LARP4B: variants seen among roughly 807,000 people sequenced by gnomAD.
LARP4B encodes the protein La ribonucleoprotein 4B.
A neutral mutation model predicts 89.8 loss-of-function variants in LARP4B; 12 were observed. The ratio of observed to expected loss-of-function variants is 0.13; its 90% confidence interval spans 0.09 to 0.22. The LOEUF (loss-of-function observed/expected upper bound fraction) is 0.22. Among genes scored for constraint, LARP4B ranks in the 10% least tolerant of loss-of-function variants. The pLI, the probability that LARP4B is intolerant of heterozygous loss-of-function variation, is 1.00. For missense variants in LARP4B, 757 were observed against 947.7 expected (o/e 0.80, Z 2.64); for synonymous variants, 367 against 363.3 (o/e 1.01, Z -0.12).
the LARP4B span, among the ~76,000 whole-genome samples, chr10:984,684 A>G: frequency 6.6e-6 from 1 of 152,192 alleles, no homozygotes; most frequent in African/African-American, 2.4e-5. Flanking sequence ...CCCAAGTGCA[A>G]TCCATCATGT....
chr10:905,034 A>C (rs1336000958), intron 1 of LARP4B, among the ~76,000 whole-genome samples: 1 of 152,252 alleles, frequency 6.6e-6, no homozygotes, highest in Admixed American at 6.5e-5. Flanking sequence ...GGTGTATACA[A>C]AACAATTCTG....
the LARP4B span, among the ~76,000 whole-genome samples, chr10:967,552 C>T: frequency 3.9e-4 from 60 of 152,276 alleles, no homozygotes; most frequent in South Asian, 2.9e-3. Flanking sequence ...GAGTTCCAGC[C>T]TAAGCAAAGA....
intron 5 of LARP4B, among the ~76,000 whole-genome samples, chr10:860,489 T>G (rs1458821439): frequency 2.6e-5 from 4 of 152,174 alleles, no homozygotes; most frequent in Non-Finnish European, 5.9e-5. Flanking sequence ...CCAAGAGAAA[T>G]GAAAACATAT....
intron 1 of LARP4B, among the ~76,000 whole-genome samples, chr10:920,842 G>C (rs1836959287): frequency 6.6e-6 from 1 of 152,154 alleles, no homozygotes; most frequent in African/African-American, 2.4e-5. Flanking sequence ...CGATGGAACT[G>C]ATAAAAAGAA....
intron 1 of LARP4B, among the ~76,000 whole-genome samples, chr10:908,314 G>A (rs781143880): frequency 4.6e-5 from 7 of 152,014 alleles, no homozygotes; most frequent in African/African-American, 7.2e-5. Flanking sequence ...GGAGCCCCTT[G>A]CCCTTCCCCC....
intron 1 of LARP4B, among the ~76,000 whole-genome samples, chr10:927,572 C>T (rs958197857): frequency 6.6e-6 from 1 of 152,200 alleles, no homozygotes; most frequent in African/African-American, 2.4e-5. Flanking sequence ...CTGAACTAAA[C>T]TCAGACCTGA....
intron 1 of LARP4B, among the ~76,000 whole-genome samples, chr10:927,923 A>ACCTTTGGC (rs1456163670): frequency 1.3e-5 from 2 of 152,214 alleles, no homozygotes; most frequent in African/African-American, 4.8e-5. Flanking sequence ...TAAAACTTGT[A>ACCTTTGGC]CCTTTGGCCA....
intron 5 of LARP4B, among the ~76,000 whole-genome samples, chr10:850,434 GA>G (rs1431358661): frequency 1.3e-5 from 2 of 152,178 alleles, no homozygotes; most frequent in Non-Finnish European, 2.9e-5. Flanking sequence ...AAGATAAAGA[GA>G]GGGGTCAATG....
In LARP4B at chr10:843,018, T is replaced by C. The variant is rs1833598922; in HGVS notation, c.560A>G (p.Gln187Arg). Residue 187 changes from glutamine to arginine, a missense_variant, in exon 7 of 18, where the codon CAG becomes CGG. Physicochemically the swap from Gln to Arg is conservative, Grantham distance 43. Coordinates refer to ENST00000316157, the MANE Select transcript of LARP4B (RefSeq NM_015155.3). ...AGCCACCGTTGTGATTGGCACATAC[T>C]GGTCACTATCCATCTGTGATATAAG... ...MYLISQMDSD[Q>R]YVPITTVANL... 1.1e-5 allele frequency: 18 copies of C among 1,613,788 alleles called. No individual in the cohort carries two copies. The highest frequency in any genetic ancestry group is 1.4e-5 in the Non-Finnish European group (17 of 1,179,730).
At chr10:836,983 C>A (rs865873067) in intron 7 of LARP4B, among the ~76,000 whole-genome samples, 5 of 152,192 alleles carry the variant, frequency 3.3e-5, no homozygotes, top group Non-Finnish European at 7.3e-5. Flanking sequence ...TAAGAAATTA[C>A]GCAATGCGCA....
chr10:936,208 C>G (rs1445080543), upstream of LARP4B, among the ~76,000 whole-genome samples: 2 of 151,996 alleles, frequency 1.3e-5, no homozygotes, highest in African/African-American at 2.4e-5. Flanking sequence ...TTGCAGAGAT[C>G]AGGGGAGCAT....
At chr10:931,796 T>C (rs1300116943), upstream of LARP4B, 2 of 151,338 alleles carry the variant, frequency 1.3e-5, no homozygotes, top group Non-Finnish European at 1.5e-5. Flanking sequence ...TCCCGCGGAC[T>C]GGCGCTCAGC....
rs1199969837 is a variant in LARP4B, at chr10:814,102, C to T, written c.1929+640G>A. On this transcript the variant is annotated intron_variant, in intron 17 of 17. Transcript: ENST00000316157. This position sits in a 1 kb window ranked among gnomAD's most constrained non-coding sequence, Gnocchi z 4.4. ...AGGCGTGAGCCACAGCACCTGGCCT[C>T]TTTTATTATTATTATTATTTATTAT... Among the ~76,000 whole-genome samples the T allele has an allele frequency of 6.6e-6, 1 of 151,492 alleles. No individual in the cohort carries two copies. The highest frequency in any genetic ancestry group is 6.6e-5 in the Admixed American group (1 of 15,260).
chr10:830,257 G>A (rs562178108), intron 9 of LARP4B, among the ~76,000 whole-genome samples: 1 of 152,220 alleles, frequency 6.6e-6, no homozygotes, highest in African/African-American at 2.4e-5. Context: ...CACACGGGCT[G>A]GCAGAGCTCA....
the LARP4B span, among the ~76,000 whole-genome samples, chr10:967,940 G>T: frequency 6.6e-6 from 1 of 152,124 alleles, no homozygotes; most frequent in African/African-American, 2.4e-5. Context: ...GACCTCAGGC[G>T]ATCCGCCCGC....
the LARP4B span, among the ~76,000 whole-genome samples, chr10:967,291 T>C: frequency 3.9e-5 from 6 of 152,170 alleles, no homozygotes; most frequent in East Asian, 1.2e-3. Context: ...TTTACATCCT[T>C]AGAGAGAGAA....
chr10:892,174 C>A (rs1446737299), intron 1 of LARP4B, among the ~76,000 whole-genome samples: 1 of 152,206 alleles, frequency 6.6e-6, no homozygotes, highest in Admixed American at 6.5e-5. Context: ...CACTCGCAGG[C>A]CTTACTGAAT....
At chr10:921,908 T>A (rs780113229) in intron 1 of LARP4B, among the ~76,000 whole-genome samples, 12 of 152,200 alleles carry the variant, frequency 7.9e-5, no homozygotes, top group Non-Finnish European at 7.3e-5. Context: ...CTGCTTCCCA[T>A]ATTCATTCTT....
At chr10:916,983 C>T (rs986690824) in intron 1 of LARP4B, among the ~76,000 whole-genome samples, 2 of 152,098 alleles carry the variant, frequency 1.3e-5, no homozygotes, top group Non-Finnish European at 2.9e-5. Context: ...TAGCTATGAG[C>T]CACTGCGCCA....
Sources: allele counts gnomAD v4.1 joint callset (sites outside exome capture counted in the v4.1 genomes callset), GRCh38; gene constraint gnomAD v4.1.1; non-coding constraint Gnocchi (gnomAD v3.1); transcripts MANE v1.5; gene names NCBI Gene and HGNC (gene_info 2026-07-23, HGNC 2026-07-21).